Variants in NAA11 observed in about 807,000 individuals in gnomAD.
NAA11 encodes the protein N-alpha-acetyltransferase 11, NatA catalytic subunit.
In NAA11, 15 loss-of-function variants were observed where a neutral mutation model predicts 16.1. The ratio of observed to expected loss-of-function variants is 0.93; its 90% CI spans 0.62 to 1.44. NAA11 has a LOEUF of 1.44. Ranked by LOEUF, NAA11 falls within the 40% of genes most tolerant of loss-of-function variation. The pLI, the probability that NAA11 is intolerant of heterozygous loss-of-function variation, is 0.00. For synonymous variants in NAA11, 122 were observed against 112.4 expected (o/e 1.09, Z -0.54); for missense variants, 298 against 291.3 (o/e 1.02, Z -0.17).
At position 79,326,007 on chromosome 4, in the gene NAA11, G is replaced by T; in HGVS notation, c.-130C>A. On this transcript the variant is annotated 5_prime_UTR_variant, in exon 1 of 2. Transcript: ENST00000286794. ...ACACCACCGGGCTGAATCGTGTGGA[G>T]GGCGGATGGCGGGAAGGCGGAAGGA... 1.3e-6 allele frequency: 1 copy of T among 756,546 alleles called. No individual in the cohort carries two copies. The highest frequency in any genetic ancestry group is 1.8e-5 in the African/African-American group (1 of 56,602). 46.9% of individuals were successfully genotyped at this position (756,546 alleles called of 1,614,324 possible). A position where few individuals can be genotyped will look rare whatever the true frequency, so the allele number is the denominator to read the frequency against.
At chr4:79,167,146 ATATATATATG>A in the NAA11 span, among the ~76,000 whole-genome samples, 1,828 of 69,932 alleles carry the variant, frequency 0.026, 472 homozygotes, top group South Asian at 0.063. Flanking sequence ...ATATATATAT[ATATATATATG>A]TATATGGAGA....
chr4:79,202,542 G>GCACA, the NAA11 span, among the ~76,000 whole-genome samples: 38 of 45,674 alleles, frequency 8.3e-4, no homozygotes, highest in Non-Finnish European at 1.4e-3. Flanking sequence ...ACACACACAC[G>GCACA]CACACACACA....
At chr4:79,229,637 TTAA>T (rs1560690796) in intron 2 of NAA11, among the ~76,000 whole-genome samples, 1 of 151,936 alleles carries the variant, frequency 6.6e-6, no homozygotes, top group Non-Finnish European at 1.5e-5. Context: ...TGGTCTGTAT[TTAA>T]TAATAATAAT....
intron 2 of NAA11, among the ~76,000 whole-genome samples, chr4:79,262,705 T>C (rs998371921): frequency 7.2e-5 from 11 of 152,042 alleles, no homozygotes; most frequent in African/African-American, 2.7e-4. Context: ...TTATGGACTT[T>C]TATAATAAAA....
At chr4:79,278,997 G>A (rs1578175994) in intron 2 of NAA11, among the ~76,000 whole-genome samples, 1 of 152,144 alleles carries the variant, frequency 6.6e-6, no homozygotes, top group Non-Finnish European at 1.5e-5. Context: ...GCTATTGCAA[G>A]CCCTTGTTAG....
chr4:79,194,129 C>T, the NAA11 span, among the ~76,000 whole-genome samples: 11 of 152,022 alleles, frequency 7.2e-5, no homozygotes, highest in African/African-American at 2.7e-4. Flanking sequence ...TGGGCTGAGA[C>T]GATGGGGTTT....
the NAA11 span, among the ~76,000 whole-genome samples, chr4:79,217,079 T>C: frequency 1.2e-4 from 18 of 152,234 alleles, no homozygotes; most frequent in Admixed American, 1.3e-4. Context: ...GGTTTTATGG[T>C]AGACAACAAA....
the NAA11 span, among the ~76,000 whole-genome samples, chr4:79,181,199 T>C: frequency 6.6e-6 from 1 of 150,634 alleles, no homozygotes; most frequent in Non-Finnish European, 1.5e-5. Flanking sequence ...CTGCACGTTG[T>C]GCACATGTAC....
At chr4:79,208,416 TTA>T in the NAA11 span, among the ~76,000 whole-genome samples, 4 of 152,292 alleles carry the variant, frequency 2.6e-5, no homozygotes, top group African/African-American at 9.6e-5. Flanking sequence ...AAGTTCAAGG[TTA>T]TACTTTCTAT....
At position 79,260,044 on chromosome 4, in the gene NAA11, A is replaced by G. The variant is rs76907134; in HGVS notation, c.*123-33774T>C. ...TGTAGGCTTGTTAGTTTCACCCTCT[A>G]TGGGACTGGGCAAAATTCTTCACAG... On this transcript the variant is annotated intron_variant and NMD_transcript_variant, in intron 2 of 2. Coordinates refer to the NAA11 transcript ENST00000511542. Among the ~76,000 whole-genome samples the G allele has an allele frequency of 6.3e-3, 957 of 152,280 alleles. 4 individuals carry two copies. Among genetic ancestry groups the G allele is most frequent in the Non-Finnish European group, 0.01 (698 of 68,024 alleles).
chr4:79,173,698 C>T, the NAA11 span, among the ~76,000 whole-genome samples: 24 of 151,866 alleles, frequency 1.6e-4, no homozygotes, highest in African/African-American at 5.8e-4. Context: ...GGGAGAACAA[C>T]GGCTGGGAGG....
At position 79,280,989 on chromosome 4, in the gene NAA11, T is replaced by G. The variant is rs59735955; in HGVS notation, c.*122+13016A>C. On this transcript the variant is annotated intron_variant and NMD_transcript_variant, in intron 2 of 2. Coordinates refer to the NAA11 transcript ENST00000511542. ...GTGAGGGAGTGATATAAGAATAGTG[T>G]TTCAGGAAGGTTAACTGAACAGGCA... Among the ~76,000 whole-genome samples, 693 of 152,044 alleles carry G rather than the reference T, an allele frequency of 4.6e-3. 8 individuals carry two copies. The highest frequency in any genetic ancestry group is 0.015 in the African/African-American group (635 of 41,478).
intron 2 of NAA11, among the ~76,000 whole-genome samples, chr4:79,264,368 C>A (rs1341000034): frequency 6.6e-6 from 1 of 152,138 alleles, no homozygotes; most frequent in Non-Finnish European, 1.5e-5. Context: ...ATTACCGTCA[C>A]TACAAAAATA....
chr4:79,303,076 T>TAGA (rs1553896048), intron 1 of NAA11, among the ~76,000 whole-genome samples: 121 of 67,524 alleles, frequency 1.8e-3, no homozygotes, highest in African/African-American at 7.0e-3. Context: ...TTGAGGCCTT[T>TAGA]TATATATATA....
intron 2 of NAA11, among the ~76,000 whole-genome samples, chr4:79,254,969 A>G (rs1286785910): frequency 6.6e-6 from 1 of 152,206 alleles, no homozygotes; most frequent in Non-Finnish European, 1.5e-5. Flanking sequence ...TGGAATAGTC[A>G]TGTAATTAAG....
the NAA11 span, among the ~76,000 whole-genome samples, chr4:79,206,377 C>T: frequency 2.0e-4 from 31 of 151,774 alleles, no homozygotes; most frequent in Non-Finnish European, 8.8e-5. Context: ...CAAAGACTTT[C>T]CCCCCCATCT....
At chr4:79,239,473 T>G (rs11732616) in intron 2 of NAA11, among the ~76,000 whole-genome samples, 126,328 of 151,946 alleles carry the variant, frequency 0.83, 53,718 homozygotes, top group Non-Finnish European at 0.92. Context: ...GGCTGAAGCA[T>G]GTGGATCACT....
downstream of NAA11, among the ~76,000 whole-genome samples, chr4:79,223,300 G>C (rs1721234118): frequency 6.8e-6 from 1 of 147,730 alleles, no homozygotes; most frequent in Non-Finnish European, 1.5e-5. Context: ...ATACACCATG[G>C]AATACTATGC....
the NAA11 span, among the ~76,000 whole-genome samples, chr4:79,216,041 AT>A: frequency 6.6e-6 from 1 of 152,182 alleles, no homozygotes; most frequent in Non-Finnish European, 1.5e-5. Flanking sequence ...ACTCTGTTCT[AT>A]TCTTTATAAT....
Sources: allele counts gnomAD v4.1 joint callset (sites outside exome capture counted in the v4.1 genomes callset), GRCh38; gene constraint gnomAD v4.1.1; transcripts MANE v1.5; gene names NCBI Gene and HGNC (gene_info 2026-07-23, HGNC 2026-07-21).